The following R3HDM2 variants were observed in gnomAD, a reference collection of about 807,000 sequenced individuals.
The protein encoded by R3HDM2 is R3H domain containing 2.
In R3HDM2, 38 loss-of-function variants were observed where a neutral mutation model predicts 124.5. That is an observed-to-expected ratio of 0.31 (90% CI 0.24 to 0.40). The LOEUF is 0.40. Ranked by LOEUF, R3HDM2 falls within the 10% of genes least tolerant of loss-of-function variation. R3HDM2 has a pLI of 1.00. For missense variants in R3HDM2, 869 were observed against 1,236.9 expected (o/e 0.70, Z 4.46); for synonymous variants, 391 against 448.0 (o/e 0.87, Z 1.61).
At position 57,297,666 on chromosome 12, in the gene R3HDM2, AAC is replaced by A. The variant is rs202160742; in HGVS notation, c.501-281_501-280del. ...TCACTGTTAACAACATATTCATATA[AAC>A]ACACGTTATAAATCTAATCGTCATT... is the stretch of plus-strand genomic sequence containing the variant. On this transcript the variant is annotated intron_variant, in intron 7 of 23. Transcript: ENST00000402412. 2.5e-3 allele frequency: 931 copies of A among 378,510 alleles called. 23 individuals carry two copies. The East Asian group carries it at 0.037, about 15-fold the overall frequency. 23.4% of individuals were successfully genotyped at this position (378,510 alleles called of 1,614,324 possible).
At chr12:57,295,677 T>A in intron 9 of R3HDM2, 170 bp from the exon 10 acceptor site, 1 of 587,544 alleles carries the variant, frequency 1.7e-6, no homozygotes, top group Non-Finnish European at 3.0e-6. Flanking sequence ...TCAGGGTCTG[T>A]ACTTTATACA....
chr12:57,325,367 G>C (rs952117773), intron 2 of R3HDM2, among the ~76,000 whole-genome samples: 7 of 152,108 alleles, frequency 4.6e-5, no homozygotes, highest in Non-Finnish European at 8.8e-5. Context: ...TGGCCATGAA[G>C]TATCTTTAAA....
intron 2 of R3HDM2, among the ~76,000 whole-genome samples, chr12:57,360,762 A>G (rs561186365): frequency 6.6e-6 from 1 of 152,342 alleles, no homozygotes; most frequent in Admixed American, 6.5e-5. Flanking sequence ...GATTGCTTTA[A>G]GAAAGGCATA....
intron 2 of R3HDM2, among the ~76,000 whole-genome samples, chr12:57,392,743 T>C (rs2066885838): frequency 6.6e-6 from 1 of 151,386 alleles, no homozygotes; most frequent in East Asian, 1.9e-4. Flanking sequence ...AAGCCAAGTG[T>C]GGTGGCTCAT....
chr12:57,385,941 T>C (rs998017295), intron 2 of R3HDM2, among the ~76,000 whole-genome samples: 2 of 152,144 alleles, frequency 1.3e-5, no homozygotes, highest in African/African-American at 2.4e-5. Flanking sequence ...CCAGAAGATA[T>C]ATGAAATGGA....
intron 2 of R3HDM2, among the ~76,000 whole-genome samples, chr12:57,378,647 G>A (rs1351794676): frequency 2.6e-5 from 4 of 152,158 alleles, no homozygotes; most frequent in Non-Finnish European, 5.9e-5. Context: ...CCAAAGTGCT[G>A]CAATTACAGG....
At chr12:57,394,251 C>T (rs1308887528) in intron 2 of R3HDM2, among the ~76,000 whole-genome samples, 9 of 151,412 alleles carry the variant, frequency 5.9e-5, no homozygotes, top group Non-Finnish European at 1.0e-4. Flanking sequence ...GAGCCGAGAT[C>T]GCGCCACTGC....
At chr12:57,280,278 C>T (rs1310042958) in intron 14 of R3HDM2, 80 bp downstream of exon 14, 4 of 1,389,508 alleles carry the variant, frequency 2.9e-6, no homozygotes, top group Non-Finnish European at 2.9e-6. Context: ...CTGCCACCCA[C>T]AGCACAAGAG....
upstream of R3HDM2, chr12:57,431,058 T>G (rs1869793744): frequency 6.6e-6 from 1 of 152,366 alleles, no homozygotes; most frequent in African/African-American, 2.4e-5. Flanking sequence ...TCCGGCGTTG[T>G]CGTCACCTCG....
intron 1 of R3HDM2, among the ~76,000 whole-genome samples, chr12:57,424,041 G>T (rs1049780172): frequency 7.0e-5 from 10 of 143,698 alleles, no homozygotes; most frequent in African/African-American, 2.6e-4. Flanking sequence ...TTGGACCCAG[G>T]AGTCGGAGGT....
At chr12:57,429,453 C>A in intron 1 of R3HDM2, among the ~76,000 whole-genome samples, 1 of 152,062 alleles carries the variant, frequency 6.6e-6, no homozygotes, top group East Asian at 1.9e-4. Context: ...TTGTCTTTCC[C>A]GGCGCGGTGG....
At chr12:57,352,491 GCT>G (rs1491540506) in intron 2 of R3HDM2, among the ~76,000 whole-genome samples, 1 of 144,920 alleles carries the variant, frequency 6.9e-6, no homozygotes, top group Non-Finnish European at 1.5e-5. Flanking sequence ...CTAGGCAAAC[GCT>G]TTTTTTTTTT....
chr12:57,282,698 G>A (rs959507538), intron 13 of R3HDM2, among the ~76,000 whole-genome samples: 1 of 152,034 alleles, frequency 6.6e-6, no homozygotes, highest in Admixed American at 6.6e-5. Flanking sequence ...AGCTGAGAAT[G>A]GAGTAGAGAT....
chr12:57,302,773 A>G (rs7977908), intron 4 of R3HDM2, among the ~76,000 whole-genome samples: 65,851 of 148,106 alleles, frequency 0.44, 15,288 homozygotes, highest in South Asian at 0.52. Flanking sequence ...AGGATTTATC[A>G]TAAAGAAAAC....
intron 2 of R3HDM2, among the ~76,000 whole-genome samples, chr12:57,337,505 T>A (rs996301654): frequency 6.6e-6 from 1 of 152,136 alleles, no homozygotes; most frequent in Non-Finnish European, 1.5e-5. Context: ...TAGAAGCAAC[T>A]TTCAGTGGGA....
In R3HDM2 at chr12:57,282,139, A is replaced by T. The variant is rs1156920414; in HGVS notation, c.1172-1609T>A. ...AGCCTGGCCAACGTGGTGAAACCCC[A>T]TCTCTACTAAAAATACAAAAAATTA... On this transcript the variant is annotated intron_variant, in intron 13 of 23. Coordinates refer to ENST00000402412, the MANE Select transcript of R3HDM2 (RefSeq NM_001394031.1). 2.0e-5 allele frequency among the ~76,000 whole-genome samples: 3 copies of T among 151,974 alleles called. No homozygotes were observed. The South Asian group carries it at 6.2e-4, about 32-fold the overall frequency.
chr12:57,261,757 CAAAAA>C (rs35440132), intron 19 of R3HDM2, among the ~76,000 whole-genome samples: 33 of 82,018 alleles, frequency 4.0e-4, no homozygotes, highest in African/African-American at 1.4e-3. Context: ...ATAGACGTGG[CAAAAA>C]AAAAAAAAAA....
At chr12:57,378,552 T>G (rs1042892400) in intron 2 of R3HDM2, among the ~76,000 whole-genome samples, 43 of 152,110 alleles carry the variant, frequency 2.8e-4, no homozygotes, top group African/African-American at 8.4e-4. Flanking sequence ...TAATTTTTTG[T>G]GTATTTTGTA....
At chr12:57,263,615 T>G (rs1230718454) in intron 19 of R3HDM2, among the ~76,000 whole-genome samples, 1 of 152,152 alleles carries the variant, frequency 6.6e-6, no homozygotes, top group African/African-American at 2.4e-5. Context: ...ATTACAGATG[T>G]GCACCCCCAT....
Sources: gnomAD v4.1 joint callset for allele counts (sites outside exome capture counted in the v4.1 genomes callset) on GRCh38, gnomAD v4.1.1 for gene constraint, MANE v1.5 for transcripts, NCBI Gene and HGNC (gene_info 2026-07-23, HGNC 2026-07-21) for gene names.